The following TJP2 variants were observed in gnomAD, a reference collection of about 807,000 sequenced individuals.
The protein encoded by TJP2 is Friedreich ataxia region gene X104 (tight junction protein ZO-2).
A neutral mutation model predicts 133.1 loss-of-function variants in TJP2; 91 were observed. The ratio of observed to expected loss-of-function variants is 0.68; its 90% CI spans 0.58 to 0.81. The LOEUF (loss-of-function observed/expected upper bound fraction) is 0.81, where lower values mean the gene tolerates loss of function less well. Among genes scored for constraint, TJP2 ranks in the 40% least tolerant of loss-of-function variants. The probability of loss-of-function intolerance (pLI) is 0.00; values close to 1 mark genes in which losing one functional copy is unlikely to be tolerated. For synonymous variants in TJP2, 592 were observed against 583.4 expected, an observed-to-expected ratio of 1.01 and a Z score of -0.21; for missense variants, 1,541 against 1,565.6, an observed-to-expected ratio of 0.98 and a Z score of 0.26.
At chr9:69,242,115 G>A (rs1181569939) in intron 17 of TJP2, among the ~76,000 whole-genome samples, 1 of 152,250 alleles carries the variant, frequency 6.6e-6, no homozygotes, top group Non-Finnish European at 1.5e-5. Flanking sequence ...GCTGAAGGCG[G>A]CTGGACGAGG....
intron 7 of TJP2, 28 bp from the exon 8 acceptor site, chr9:69,227,737 A>C: frequency 6.9e-7 from 1 of 1,439,644 alleles, no homozygotes; most frequent in Non-Finnish European, 9.7e-7. Flanking sequence ...TATTTTATTT[A>C]AAAGTCTTTT....
intron 20 of TJP2, chr9:69,249,890 T>A (rs1405137363): frequency 3.3e-6 from 1 of 301,186 alleles, no homozygotes; most frequent in Non-Finnish European, 4.9e-6. Flanking sequence ...TTACTGGTGA[T>A]GTGCTAAAGA....
chr9:69,204,036 G>A (rs1354631124), intron 1 of TJP2, among the ~76,000 whole-genome samples: 1 of 152,214 alleles, frequency 6.6e-6, no homozygotes, highest in African/African-American at 2.4e-5. Context: ...ACCAGCACGA[G>A]TGCTTTGTAG....
At chr9:69,136,250 G>C (rs1822725632) in intron 1 of TJP2, among the ~76,000 whole-genome samples, 1 of 152,164 alleles carries the variant, frequency 6.6e-6, no homozygotes, top group Non-Finnish European at 1.5e-5. Context: ...TGGGTGCAGT[G>C]GCTCATGTCT....
rs571310536 is a variant in TJP2 at position 69,221,260 on chromosome 9, G to A, written c.716G>A (p.Arg239His). 3.1e-6 allele frequency: 5 copies of A among 1,608,066 alleles called. No individual in the cohort carries two copies. Among genetic ancestry groups the A allele is most frequent in the Middle Eastern group, 1.7e-4 (1 of 6,050 alleles). ...CCATCCCGGGACCGGGACCGTGACC[G>A]CAGCCGCGGCCGGAGCATTGACCAG... ...FGPSRDRDRD[R>H]SRGRSIDQDY... The change falls in exon 5 of 23, where the codon CGC (arginine) becomes CAC (histidine). Residue 239 changes from arginine (R) to histidine (H), a missense_variant. Arg to His is a conservative substitution (Grantham distance 29). Coordinates refer to ENST00000377245, the MANE Select transcript of TJP2 (RefSeq NM_004817.4).
chr9:69,225,833 G>C (rs1420805118), intron 6 of TJP2, among the ~76,000 whole-genome samples, 189 bp from the exon 7 acceptor site: 1 of 152,210 alleles, frequency 6.6e-6, no homozygotes, highest in Non-Finnish European at 1.5e-5. Context: ...ACTTACACCT[G>C]TATTTGGGAT....
At chr9:69,214,022 C>T (rs748468664) in intron 2 of TJP2, among the ~76,000 whole-genome samples, 42 of 152,060 alleles carry the variant, frequency 2.8e-4, no homozygotes, top group Non-Finnish European at 1.3e-4. Flanking sequence ...TTTATATAAT[C>T]GAACCCAGAT....
At chr9:69,192,125 A>G (rs1282916816) in intron 1 of TJP2, among the ~76,000 whole-genome samples, 4 of 151,878 alleles carry the variant, frequency 2.6e-5, no homozygotes, top group African/African-American at 4.8e-5. Context: ...AACACCCCTC[A>G]TTTGAGTGGT....
In TJP2 at chr9:69,145,776, C is replaced by T. The variant is rs887331432; in HGVS notation, c.-130-5875C>T. On this transcript the variant is annotated intron_variant, in intron 1 of 5. Coordinates refer to the TJP2 transcript ENST00000423935. The stretch of plus-strand genomic sequence containing the variant: ...TACCCCACTTAACAAAAGAGAACTT[C>T]TACCTGAGAGCAGAAGACACGTGAA... 3 of 1,231,924 alleles carry T rather than the reference C, an allele frequency of 2.4e-6. No homozygotes were observed. The African/African-American group carries it at 4.7e-5, about 19-fold the overall frequency. 76.3% of individuals were successfully genotyped at this position (1,231,924 alleles called of 1,614,324 possible).
chr9:69,157,521 A>G (rs1461712164), intron 2 of TJP2, among the ~76,000 whole-genome samples: 4 of 151,444 alleles, frequency 2.6e-5, no homozygotes, highest in African/African-American at 9.7e-5. Context: ...GCTGGATTAC[A>G]GTAGCATGAT....
upstream of TJP2, among the ~76,000 whole-genome samples, chr9:69,169,373 G>GT (rs1231958862): frequency 7.4e-4 from 110 of 149,650 alleles, no homozygotes; most frequent in Non-Finnish European, 9.8e-4. Flanking sequence ...TTTTTTTGGG[G>GT]GGGGGATGGA....
At chr9:69,232,409 A>AT (rs1325063731) in intron 11 of TJP2, among the ~76,000 whole-genome samples, 1 of 152,224 alleles carries the variant, frequency 6.6e-6, no homozygotes, top group Admixed American at 6.5e-5. Flanking sequence ...TAGACTACTA[A>AT]ATAGCTAATC....
In TJP2 at chr9:69,254,584, G is replaced by A. The variant is rs1183787593; in HGVS notation, c.*210G>A. On this transcript the variant is annotated 3_prime_UTR_variant, in exon 23 of 23. Transcript: ENST00000377245. ...TTGTGGGACTGGGTTAGAGGAGTCT[G>A]TGGCTTTTTGTTCAGAATTAAGCAG... 3.1e-6 allele frequency: 2 copies of A among 644,534 alleles called. No individual in the cohort carries two copies. The highest frequency in any genetic ancestry group is 3.7e-5 in the South Asian group (2 of 54,586). The allele number at this position is 644,534 out of a possible 1,614,324, so 39.9% of individuals were successfully genotyped here.
At chr9:69,251,581 C>T (rs1831335768) in intron 21 of TJP2, among the ~76,000 whole-genome samples, 1 of 152,060 alleles carries the variant, frequency 6.6e-6, no homozygotes, top group Non-Finnish European at 1.5e-5. Flanking sequence ...GAAGATTCTG[C>T]TCTTTATACA....
In TJP2 at chr9:69,145,596, C is replaced by G. The variant is rs1020815073; in HGVS notation, c.-130-6055C>G. The G allele has an allele frequency of 1.3e-5, 8 of 598,722 alleles. No individual in the cohort carries two copies. The African/African-American group carries it at 1.3e-4, about 10-fold the overall frequency. 37.1% of individuals were successfully genotyped at this position (598,722 alleles called of 1,614,324 possible). A position where few individuals can be genotyped will look rare whatever the true frequency, so the allele number is the denominator to read the frequency against. On this transcript the variant is annotated intron_variant, in intron 1 of 5. Transcript: ENST00000423935. The stretch of plus-strand genomic sequence containing the variant: ...TTGTGTTTAATAGATCTAGCTAGGG[C>G]TACATAGAGAACATCCAAAGGAACA...
chr9:69,220,259 T>TA (rs1172671344), intron 4 of TJP2, among the ~76,000 whole-genome samples: 35 of 152,334 alleles, frequency 2.3e-4, no homozygotes, highest in African/African-American at 7.9e-4. Flanking sequence ...ATTAATATGA[T>TA]TTGTAAAATT....
At chr9:69,208,451 G>A (rs996055934) in intron 1 of TJP2, among the ~76,000 whole-genome samples, 1 of 152,128 alleles carries the variant, frequency 6.6e-6, no homozygotes, top group African/African-American at 2.4e-5. Context: ...TACGCTTGCA[G>A]GCATCACAGG....
At position 69,221,413 on chromosome 9, in the gene TJP2, C is replaced by T; in HGVS notation, c.869C>T (p.Pro290Leu). ...CCCCGAAGCCGCAGCCGCGAGCACC[C>T]GCACTCACGGAGCCCCAGCCCCGAG... ...RGPRSRSREH[P>L]HSRSPSPEPR... Residue 290 changes from proline (P) to leucine (L), a missense_variant, in exon 5 of 23, where the codon CCG (proline) becomes CTG (leucine). By Grantham distance (98) the Pro-to-Leu change is moderately conservative. Coordinates refer to ENST00000377245, the MANE Select transcript of TJP2 (RefSeq NM_004817.4). 5 of 1,584,016 alleles carry T rather than the reference C, an allele frequency of 3.2e-6. No individual in the cohort carries two copies. The highest frequency in any genetic ancestry group is 2.3e-5 in the East Asian group (1 of 43,314).
upstream of TJP2, among the ~76,000 whole-genome samples, chr9:69,169,732 T>C (rs1015611996): frequency 6.6e-6 from 1 of 152,140 alleles, no homozygotes; most frequent in Non-Finnish European, 1.5e-5. Context: ...ATTGCAGATA[T>C]ATACATATAT....
Sources: gnomAD v4.1 joint callset for allele counts (sites outside exome capture counted in the v4.1 genomes callset) on GRCh38, gnomAD v4.1.1 for gene constraint, MANE v1.5 for transcripts, NCBI Gene and HGNC (gene_info 2026-07-23, HGNC 2026-07-21) for gene names.